The following ELP3 variants were observed in gnomAD, a reference collection of about 807,000 sequenced individuals.
The protein encoded by ELP3 is elongator complex protein 3.
A neutral mutation model predicts 74.9 loss-of-function variants in ELP3; 56 were observed. The ratio of observed to expected loss-of-function variants is 0.75; its 90% CI spans 0.60 to 0.93. ELP3 has a LOEUF of 0.93. ELP3 is among the 40% of genes least tolerant of loss of function. The pLI, the probability that ELP3 is intolerant of heterozygous loss-of-function variation, is 0.00. For missense variants in ELP3, 573 were observed against 686.5 expected, an observed-to-expected ratio of 0.83 and a Z score of 1.85; for synonymous variants, 222 against 239.8, an observed-to-expected ratio of 0.93 and a Z score of 0.68.
In ELP3 at chr8:28,137,818, A is replaced by G; in HGVS notation, c.1027A>G (p.Ser343Gly). 1 of 1,614,072 alleles carries G rather than the reference A, an allele frequency of 6.2e-7. No homozygotes were observed. The highest frequency in any genetic ancestry group is 8.5e-7 in the Non-Finnish European group (1 of 1,180,006). ...KSGRYKSYSP[S>G]DLVELVARIL... is the part of the protein sequence containing the mutation. ...AGGAAGATATAAGAGTTACTCTCCT[A>G]GTGACCTGGTTGAATTGGTGGCTCG... is the stretch of plus-strand genomic sequence containing the variant. The change falls in exon 10 of 15, where the codon AGT becomes GGT. Residue 343 changes from serine (S) to glycine (G), a missense_variant. Physicochemically the swap from Ser to Gly is moderately conservative, Grantham distance 56. Coordinates refer to ENST00000256398, the MANE Select transcript of ELP3 (RefSeq NM_018091.6).
chr8:28,094,540 G>A (rs1364009771), intron 1 of ELP3, among the ~76,000 whole-genome samples: 1 of 152,192 alleles, frequency 6.6e-6, no homozygotes, highest in African/African-American at 2.4e-5. Context: ...CCAACGTGGT[G>A]AAACCCTGTC....
intron 3 of ELP3, 102 bp from the exon 4 acceptor site, chr8:28,106,611 T>C: frequency 1.4e-6 from 1 of 729,508 alleles, no homozygotes; most frequent in Non-Finnish European, 2.2e-6. Flanking sequence ...TTTTTGCCAC[T>C]CTCTGGTTGC....
intron 14 of ELP3, among the ~76,000 whole-genome samples, chr8:28,185,513 A>C (rs1815202025): frequency 6.6e-6 from 1 of 152,258 alleles, no homozygotes; most frequent in African/African-American, 2.4e-5. Context: ...GGAGGGAGAC[A>C]GACCTGCGCA....
intron 5 of ELP3, among the ~76,000 whole-genome samples, chr8:28,108,581 C>G (rs1414916070): frequency 6.6e-6 from 1 of 151,758 alleles, no homozygotes; most frequent in Non-Finnish European, 1.5e-5. Flanking sequence ...CTCAGCCTCC[C>G]GAGTAGCTGG....
intron 7 of ELP3, among the ~76,000 whole-genome samples, chr8:28,116,715 G>T (rs1812152204): frequency 6.6e-6 from 1 of 152,140 alleles, no homozygotes; most frequent in Admixed American, 6.5e-5. Flanking sequence ...CTCCAGCCTG[G>T]GCGACAGAGT....
chr8:28,115,733 G>T (rs147445820), intron 7 of ELP3, among the ~76,000 whole-genome samples: 48 of 152,298 alleles, frequency 3.2e-4, no homozygotes, highest in African/African-American at 1.1e-3. Flanking sequence ...TGCTTTCAGA[G>T]CCTAACTTTG....
At chr8:28,132,225 G>T in intron 8 of ELP3, 53 bp from the exon 9 acceptor site, 1 of 1,573,196 alleles carries the variant, frequency 6.4e-7, no homozygotes, top group Non-Finnish European at 8.7e-7. Context: ...TTGTGTAACA[G>T]ATGTTACACA....
At chr8:28,180,377 T>G (rs1021909600) in intron 14 of ELP3, among the ~76,000 whole-genome samples, 1 of 152,252 alleles carries the variant, frequency 6.6e-6, no homozygotes, top group Admixed American at 6.5e-5. Flanking sequence ...CTAATTTAGC[T>G]GTGTCTGATC....
intron 14 of ELP3, among the ~76,000 whole-genome samples, chr8:28,170,626 C>T (rs1412052404): frequency 6.6e-6 from 1 of 152,112 alleles, no homozygotes; most frequent in Non-Finnish European, 1.5e-5. Context: ...ACATGGTTTC[C>T]CTCTGGAGCT....
intron 7 of ELP3, among the ~76,000 whole-genome samples, chr8:28,127,203 C>A (rs1471894477): frequency 6.6e-6 from 1 of 152,146 alleles, no homozygotes; most frequent in African/African-American, 2.4e-5. Flanking sequence ...GCAGTGTCCT[C>A]TGTATGTCCT....
intron 7 of ELP3, among the ~76,000 whole-genome samples, chr8:28,115,046 T>C (rs13277221): frequency 0.59 from 89,199 of 151,978 alleles, 28,155 homozygotes; most frequent in East Asian, 0.92. Context: ...CACTAAGGTT[T>C]TGGCTGTCAG....
intron 14 of ELP3, among the ~76,000 whole-genome samples, chr8:28,179,492 CAATTTTTCCACA>C (rs1405155963): frequency 6.6e-6 from 1 of 152,170 alleles, no homozygotes; most frequent in Non-Finnish European, 1.5e-5. Context: ...TTGTGGAAGA[CAATTTTTCCACA>C]GATAGTAAGG....
chr8:28,148,476 A>T (rs376802440), intron 10 of ELP3, among the ~76,000 whole-genome samples: 24 of 152,222 alleles, frequency 1.6e-4, no homozygotes, highest in African/African-American at 5.8e-4. Flanking sequence ...CCTGCCAAGA[A>T]TTCATGGCCT....
chr8:28,185,845 T>A (rs1430052105), intron 14 of ELP3, among the ~76,000 whole-genome samples: 1 of 152,204 alleles, frequency 6.6e-6, no homozygotes, highest in Non-Finnish European at 1.5e-5. Context: ...ATTTGAACTT[T>A]ATCTTGGGAC....
At chr8:28,165,434 GATAC>G (rs1814269220) in intron 14 of ELP3, among the ~76,000 whole-genome samples, 1 of 152,136 alleles carries the variant, frequency 6.6e-6, no homozygotes, top group Non-Finnish European at 1.5e-5. Flanking sequence ...CACAACTGGT[GATAC>G]TGTTTGACCT....
intron 14 of ELP3, among the ~76,000 whole-genome samples, chr8:28,182,829 G>T (rs183447091): frequency 6.6e-6 from 1 of 152,348 alleles, no homozygotes; most frequent in African/African-American, 2.4e-5. Flanking sequence ...AATCAAAGCA[G>T]AGGATTTCTT....
At chr8:28,138,751 A>G (rs1813097410) in intron 10 of ELP3, among the ~76,000 whole-genome samples, 2 of 152,266 alleles carry the variant, frequency 1.3e-5, no homozygotes, top group Admixed American at 1.3e-4. Context: ...AAGGATATAA[A>G]GTAACTGACT....
intron 6 of ELP3, chr8:28,112,604 T>C (rs1376019572): frequency 6.5e-6 from 1 of 153,468 alleles, no homozygotes; most frequent in East Asian, 1.9e-4. Flanking sequence ...TAATCATTCA[T>C]GTATCATTGT....
upstream of ELP3, chr8:28,092,881 C>T: frequency 5.8e-6 from 2 of 345,464 alleles, no homozygotes; most frequent in South Asian, 4.9e-5. Context: ...CTTCCTGGCG[C>T]AGCCTCTATC....
Sources: allele counts gnomAD v4.1 joint callset (sites outside exome capture counted in the v4.1 genomes callset), GRCh38; gene constraint gnomAD v4.1.1; transcripts MANE v1.5; gene names NCBI Gene and HGNC (gene_info 2026-07-23, HGNC 2026-07-21).